Variants in TEX15 observed in about 807,000 individuals in gnomAD.
TEX15 encodes the protein testis expressed 15, meiosis and synapsis associated.
In TEX15, 171 loss-of-function variants were observed where a neutral mutation model predicts 237.3. The ratio of observed to expected loss-of-function variants is 0.72; its 90% CI spans 0.64 to 0.82. The LOEUF (loss-of-function observed/expected upper bound fraction) is 0.82, where lower values mean the gene tolerates loss of function less well. Among genes scored for constraint, TEX15 ranks in the 40% least tolerant of loss-of-function variants. The pLI, the probability that TEX15 is intolerant of heterozygous loss-of-function variation, is 0.00. For synonymous variants in TEX15, 1,338 were observed against 1,269.8 expected (o/e 1.05, Z -1.14); for missense variants, 3,750 against 3,646.5 (o/e 1.03, Z -0.73).
chr8:30,836,859 G>T lies in TEX15; in HGVS notation c.9425C>A (p.Ala3142Asp), dbSNP rs1563226269. The change falls in exon 10 of 11, where the codon GCT becomes GAT. Residue 3142 changes from alanine (A) to aspartate (D), a missense_variant. Transcript: ENST00000643185. ...TCGATTAGGAAGGTAAGGGTATGTA[G>T]CTTGTGGTAATGGCTGATGAGAAGC... ...QYASHQPLPQATYPYLPNRFV... is the reference protein window; with the variant it reads ...QYASHQPLPQDTYPYLPNRFV... 7 of 1,614,130 alleles carry T rather than the reference G, an allele frequency of 4.3e-6. No individual in the cohort carries two copies. The highest frequency in any genetic ancestry group is 5.9e-6 in the Non-Finnish European group (7 of 1,180,000).
In TEX15 at chr8:30,845,439, T is replaced by C. The variant is rs773114791; in HGVS notation, c.4728A>G (p.Thr1576=). ...ATTTACTAGTGCTAGATAAAAATGC[T>C]GTATCAATTTGATTTTCTTTTTCTA... ...KLIEKENQID[T]AFLSSTSKYE... The change falls in exon 8 of 11, where the codon ACA becomes ACG. Residue 1576 remains threonine (T), a synonymous_variant. Coordinates refer to ENST00000643185, the MANE Select transcript of TEX15 (RefSeq NM_001350162.2). 3 of 1,612,750 alleles carry C rather than the reference T, an allele frequency of 1.9e-6. No homozygotes were observed. The highest frequency in any genetic ancestry group is 2.2e-5 in the East Asian group (1 of 44,846).
At position 30,911,631 on chromosome 8, in the gene TEX15, G is replaced by A. The variant is rs116760753; in HGVS notation, c.-86+1248C>T. Among the ~76,000 whole-genome samples the A allele has an allele frequency of 1.8e-3, 277 of 152,268 alleles. 1 individual carries two copies. The highest frequency in any genetic ancestry group is 5.9e-3 in the African/African-American group (245 of 41,536). On this transcript the variant is annotated intron_variant, in intron 1 of 10. Transcript: ENST00000643185. ...TTAGGGCGTTGGGGTGCTTCACACTGCACTTAGAGCTCACCATTTTTAAAC... is the reference window on the plus strand; with the variant it reads ...TTAGGGCGTTGGGGTGCTTCACACTACACTTAGAGCTCACCATTTTTAAAC...
chr8:30,908,060 A>G (rs1328530429), intron 1 of TEX15, among the ~76,000 whole-genome samples: 1 of 152,148 alleles, frequency 6.6e-6, no homozygotes, highest in Non-Finnish European at 1.5e-5. Context: ...AGGAGCTGGG[A>G]CTATACGCAT....
In TEX15 at chr8:30,847,345, C is replaced by T; in HGVS notation, c.2822G>A (p.Ser941Asn). The T allele has an allele frequency of 1.9e-6, 3 of 1,613,800 alleles. No homozygotes were observed. Among genetic ancestry groups the T allele is most frequent in the African/African-American group, 1.3e-5 (1 of 75,048 alleles). The change falls in exon 8 of 11, where the codon AGT becomes AAT. Residue 941 changes from serine (S) to asparagine (N), a missense_variant. By Grantham distance (46) the Ser-to-Asn change is conservative (BLOSUM62 1). Transcript: ENST00000643185. ...AVSAATALLESEEDTISAVKQ... is the reference protein window; with the variant it reads ...AVSAATALLENEEDTISAVKQ... ...CACGGCACTAATGGTATCTTCTTCA[C>T]TCTCTAATAATGCAGTTGCTGCTGA...
chr8:30,904,598 A>C (rs563487734), intron 1 of TEX15, among the ~76,000 whole-genome samples: 1 of 152,358 alleles, frequency 6.6e-6, no homozygotes, highest in East Asian at 1.9e-4. Context: ...GGATTGACCA[A>C]TACTGAATCA....
chr8:30,851,292 T>C (rs926921443), intron 7 of TEX15, among the ~76,000 whole-genome samples: 1 of 152,194 alleles, frequency 6.6e-6, no homozygotes, highest in Non-Finnish European at 1.5e-5. Flanking sequence ...TTATAACAAA[T>C]GTCCTAGAAG....
intron 5 of TEX15, among the ~76,000 whole-genome samples, chr8:30,860,907 C>A (rs1297509392): frequency 6.6e-6 from 1 of 151,494 alleles, no homozygotes; most frequent in Non-Finnish European, 1.5e-5. Context: ...AAGACAAACA[C>A]GAATAGCTCA....
chr8:30,862,590 TA>T (rs1380829406), intron 5 of TEX15, among the ~76,000 whole-genome samples: 4 of 152,152 alleles, frequency 2.6e-5, no homozygotes, highest in Non-Finnish European at 2.9e-5. Flanking sequence ...AATATAAAAG[TA>T]AATTATGCTT....
intron 5 of TEX15, 61 bp downstream of exon 5, chr8:30,867,204 A>G: frequency 1.5e-6 from 1 of 674,814 alleles, no homozygotes. Context: ...AAAGGATAAT[A>G]TGTTCAGGTC....
chr8:30,892,771 C>T (rs762408948), intron 2 of TEX15, among the ~76,000 whole-genome samples: 1 of 152,116 alleles, frequency 6.6e-6, no homozygotes, highest in Admixed American at 6.5e-5. Context: ...CAGTGGCTCA[C>T]GCCTGTAATC....
chr8:30,836,681 G>C, intron 10 of TEX15, 122 bp downstream of exon 10: 2 of 914,784 alleles, frequency 2.2e-6, no homozygotes, highest in Non-Finnish European at 3.3e-6. Context: ...CTACAAATCT[G>C]TACAGAAAAA....
At chr8:30,883,508 C>A (rs1808581294) in intron 3 of TEX15, among the ~76,000 whole-genome samples, 1 of 152,010 alleles carries the variant, frequency 6.6e-6, no homozygotes, top group African/African-American at 2.4e-5. Context: ...CTTCCCTTGA[C>A]CCCCACCCTC....
At chr8:30,891,482 C>T (rs908963233) in intron 2 of TEX15, among the ~76,000 whole-genome samples, 1 of 151,610 alleles carries the variant, frequency 6.6e-6, no homozygotes, top group Admixed American at 6.6e-5. Flanking sequence ...TCTCCCCGCA[C>T]CCCCCCTTTT....
chr8:30,869,786 C>G (rs1266703792), intron 4 of TEX15, among the ~76,000 whole-genome samples: 1 of 151,970 alleles, frequency 6.6e-6, no homozygotes, highest in Non-Finnish European at 1.5e-5. Flanking sequence ...ATAGTACTGA[C>G]TTCTAGTGCA....
intron 2 of TEX15, among the ~76,000 whole-genome samples, chr8:30,898,373 C>T (rs1189275976): frequency 6.6e-6 from 1 of 152,132 alleles, no homozygotes; most frequent in African/African-American, 2.4e-5. Context: ...CCTCCTTCCA[C>T]CACGCAATAA....
At position 30,848,749 on chromosome 8, in the gene TEX15, G is replaced by A; in HGVS notation, c.1418C>T (p.Pro473Leu). ...TTCTGAGGAGGAGGCAGAATTAGAT[G>A]GTGTCGATTTTATTTCTGAATTAAC... ...DNVNSEIKST[P>L]SNSASSSEVV... The change falls in exon 8 of 11, where the codon CCA (proline) becomes CTA (leucine). Residue 473 changes from proline to leucine, a missense_variant. Physicochemically the swap from Pro to Leu is moderately conservative, Grantham distance 98 (BLOSUM62 -3). Coordinates refer to ENST00000643185, the MANE Select transcript of TEX15 (RefSeq NM_001350162.2). 8.7e-6 allele frequency: 14 copies of A among 1,614,090 alleles called. No individual in the cohort carries two copies. The highest frequency in any genetic ancestry group is 1.2e-5 in the Non-Finnish European group (14 of 1,180,016).
In TEX15 at chr8:30,832,647, T is replaced by C. The variant is rs1311566007; in HGVS notation, c.*639A>G. On this transcript the variant is annotated 3_prime_UTR_variant, in exon 11 of 11. Transcript: ENST00000643185. ...AAATCATTAAAATAACTATTTAAAT[T>C]GTGAAATCCAAAAACAAAATAATCT... 2 of 152,186 alleles carry C rather than the reference T, an allele frequency of 1.3e-5. No homozygotes were observed. The highest frequency in any genetic ancestry group is 3.8e-4 in the East Asian group (2 of 5,206). 9.4% of individuals were successfully genotyped at this position (152,186 alleles called of 1,614,324 possible). A position where few individuals can be genotyped will look rare whatever the true frequency, so the allele number is the denominator to read the frequency against.
At chr8:30,904,954 T>C (rs1468348249) in intron 1 of TEX15, among the ~76,000 whole-genome samples, 2 of 152,312 alleles carry the variant, frequency 1.3e-5, no homozygotes, top group African/African-American at 2.4e-5. Flanking sequence ...TTTCTAAATG[T>C]ATCTAATTAT....
chr8:30,906,822 A>G (rs536765994), intron 1 of TEX15, among the ~76,000 whole-genome samples: 1 of 152,308 alleles, frequency 6.6e-6, no homozygotes, highest in South Asian at 2.1e-4. Flanking sequence ...TCCATTTTAC[A>G]TATGAAAAAA....
Sources: gnomAD v4.1 joint callset for allele counts (sites outside exome capture counted in the v4.1 genomes callset) on GRCh38, gnomAD v4.1.1 for gene constraint, MANE v1.5 for transcripts, NCBI Gene and HGNC (gene_info 2026-07-23, HGNC 2026-07-21) for gene names.